Variants in TTC6 observed in about 807,000 individuals in gnomAD.
TTC6 encodes tetratricopeptide repeat domain 6.
A neutral mutation model predicts 210.4 loss-of-function variants in TTC6; 172 were observed. The ratio of observed to expected loss-of-function variants is 0.82; its 90% CI spans 0.72 to 0.93. TTC6 has a LOEUF of 0.93. Among genes scored for constraint, TTC6 ranks in the 40% least tolerant of loss-of-function variants. The probability of loss-of-function intolerance (pLI) is 0.00; values close to 1 mark genes in which losing one functional copy is unlikely to be tolerated. For synonymous variants in TTC6, 804 were observed against 819.6 expected (o/e 0.98, Z 0.32); for missense variants, 2,414 against 2,318.1 (o/e 1.04, Z -0.85).
intron 5 of TTC6, among the ~76,000 whole-genome samples, chr14:37,702,307 C>T (rs1411632693): frequency 1.3e-5 from 2 of 152,134 alleles, no homozygotes; most frequent in Admixed American, 6.6e-5. Flanking sequence ...TTTTCATTAT[C>T]ACCCACTTAA....
At chr14:37,603,727 G>A (rs1393301267) in intron 1 of TTC6, among the ~76,000 whole-genome samples, 1 of 152,178 alleles carries the variant, frequency 6.6e-6, no homozygotes, top group East Asian at 1.9e-4. Context: ...GGGCTGGCAG[G>A]CTCAGGCCAC....
At chr14:37,731,273 C>A (rs2095885389) in intron 7 of TTC6, among the ~76,000 whole-genome samples, 1 of 152,074 alleles carries the variant, frequency 6.6e-6, no homozygotes, top group Non-Finnish European at 1.5e-5. Context: ...ATAACTCATG[C>A]CTGAAAGAAG....
intron 14 of TTC6, among the ~76,000 whole-genome samples, chr14:37,764,269 A>T (rs1431127745): frequency 6.6e-6 from 1 of 152,136 alleles, no homozygotes; most frequent in African/African-American, 2.4e-5. Context: ...GAAGTGTTCT[A>T]TATATGTTTG....
chr14:37,812,278 A>T, intron 24 of TTC6, 36 bp from the exon 27 acceptor site: 1 of 1,599,706 alleles, frequency 6.3e-7, no homozygotes, highest in Admixed American at 1.7e-5. Flanking sequence ...TCAGGCTCTA[A>T]AAAGTTGAAT....
intron 1 of TTC6, among the ~76,000 whole-genome samples, chr14:37,667,575 C>T (rs1310456842): frequency 1.3e-5 from 2 of 150,434 alleles, no homozygotes; most frequent in Non-Finnish European, 3.0e-5. Flanking sequence ...TGTTTGAATC[C>T]CATTTAGACT....
At chr14:37,725,436 C>T (rs1299083308) in intron 7 of TTC6, among the ~76,000 whole-genome samples, 7 of 148,912 alleles carry the variant, frequency 4.7e-5, no homozygotes, top group South Asian at 4.2e-4. Context: ...CCGCAACCTC[C>T]GCCCCCTGGG....
At chr14:37,754,911 G>T (rs534048886) in intron 14 of TTC6, among the ~76,000 whole-genome samples, 1 of 152,170 alleles carries the variant, frequency 6.6e-6, no homozygotes, top group East Asian at 1.9e-4. Context: ...ATAATCCTTT[G>T]GGTATATACC....
At chr14:37,701,428 G>T (rs1434614346) in exon 5 of TTC6, 2 of 1,533,192 alleles carry the variant, frequency 1.3e-6, no homozygotes, top group African/African-American at 2.7e-5. Context: ...CTTCTCGAGT[G>T]TATCACACTG....
chr14:37,813,647 AC>A (rs1207502338), intron 25 of TTC6, among the ~76,000 whole-genome samples: 2 of 152,246 alleles, frequency 1.3e-5, no homozygotes, highest in East Asian at 3.8e-4. Context: ...CACAGTAAGT[AC>A]TGGGGTAAGA....
At chr14:37,682,716 A>G (rs1194863045) in intron 2 of TTC6, 42 bp from the exon 5 acceptor site, 1 of 1,503,332 alleles carries the variant, frequency 6.7e-7, no homozygotes, top group African/African-American at 1.4e-5. Context: ...TAGAAGGACC[A>G]ATAAAAAAAA....
intron 5 of TTC6, among the ~76,000 whole-genome samples, chr14:37,704,042 A>G (rs1462893346): frequency 6.6e-6 from 1 of 152,168 alleles, no homozygotes; most frequent in Non-Finnish European, 1.5e-5. Flanking sequence ...TTCATTCAAG[A>G]TTGTTTGTGA....
chr14:37,686,354 A>G (rs2095793738), intron 3 of TTC6, among the ~76,000 whole-genome samples: 1 of 152,210 alleles, frequency 6.6e-6, no homozygotes, highest in Admixed American at 6.5e-5. Flanking sequence ...AATATCAGCA[A>G]CCTGCTTATG....
chr14:37,746,825 C>T (rs2095937556), intron 10 of TTC6, among the ~76,000 whole-genome samples: 1 of 152,094 alleles, frequency 6.6e-6, no homozygotes, highest in Non-Finnish European at 1.5e-5. Flanking sequence ...CTGAGAGTCT[C>T]AGTTGGGGTA....
chr14:37,797,171 A>G (rs1041980471), intron 20 of TTC6, among the ~76,000 whole-genome samples: 2 of 151,932 alleles, frequency 1.3e-5, no homozygotes, highest in African/African-American at 4.8e-5. Flanking sequence ...GTAGTTTTCC[A>G]GGTTATATTT....
intron 7 of TTC6, among the ~76,000 whole-genome samples, chr14:37,726,673 A>C (rs1434313120): frequency 1.3e-5 from 2 of 152,134 alleles, no homozygotes; most frequent in Non-Finnish European, 2.9e-5. Flanking sequence ...TGGCTTAGGA[A>C]TAATGGAAAA....
chr14:37,601,379 T>C (rs1428604499), intron 1 of TTC6, among the ~76,000 whole-genome samples: 1 of 152,242 alleles, frequency 6.6e-6, no homozygotes, highest in Non-Finnish European at 1.5e-5. Context: ...GCCTGTAGCA[T>C]AGTAGACTTT....
chr14:37,663,769 A>G (rs1399262861), intron 1 of TTC6, among the ~76,000 whole-genome samples: 4 of 152,178 alleles, frequency 2.6e-5, no homozygotes, highest in Non-Finnish European at 5.9e-5. Context: ...GTCTCAGACC[A>G]AAAGCTTCTT....
chr14:37,840,219 C>G (rs2096206881), intron 29 of TTC6, among the ~76,000 whole-genome samples: 1 of 152,148 alleles, frequency 6.6e-6, no homozygotes, highest in South Asian at 2.1e-4. Context: ...CACCTCTATG[C>G]AAATAAACTA....
intron 14 of TTC6, among the ~76,000 whole-genome samples, chr14:37,756,950 T>C (rs1236300528): frequency 2.0e-5 from 3 of 152,214 alleles, no homozygotes; most frequent in Non-Finnish European, 4.4e-5. Flanking sequence ...GTACCTCTGG[T>C]AGAATTCGTC....
Sources: allele counts gnomAD v4.1 joint callset (sites outside exome capture counted in the v4.1 genomes callset), GRCh38; gene constraint gnomAD v4.1.1; transcripts MANE v1.5; gene names NCBI Gene and HGNC (gene_info 2026-07-23, HGNC 2026-07-21).